ZNF385B: variants seen among roughly 807,000 people sequenced by gnomAD.
The protein encoded by ZNF385B is zinc finger protein 533.
Under a neutral mutation model 39.2 loss-of-function variants are expected in ZNF385B, and 23 were observed. The observed-to-expected ratio is 0.59, with a 90% CI of 0.42 to 0.83. The LOEUF is 0.83. Ranked by LOEUF, ZNF385B falls within the 40% of genes least tolerant of loss-of-function variation. The pLI is 0.00. For synonymous variants in ZNF385B, 205 were observed against 222.6 expected, an observed-to-expected ratio of 0.92 and a Z score of 0.70; for missense variants, 552 against 598.9, an observed-to-expected ratio of 0.92 and a Z score of 0.82.
At chr2:179,546,960 T>C (rs978505191) in intron 3 of ZNF385B, among the ~76,000 whole-genome samples, 1 of 149,900 alleles carries the variant, frequency 6.7e-6, no homozygotes, top group African/African-American at 2.5e-5. Context: ...TTTTGATTTG[T>C]CTGTTTTTGA....
intron 3 of ZNF385B, among the ~76,000 whole-genome samples, chr2:179,690,747 C>T (rs1012829647): frequency 6.6e-6 from 1 of 152,192 alleles, no homozygotes. Context: ...TGGGGTCACA[C>T]CTTCTTCGCA....
intron 3 of ZNF385B, among the ~76,000 whole-genome samples, chr2:179,728,095 T>C (rs1701137959): frequency 6.6e-6 from 1 of 152,098 alleles, no homozygotes. Context: ...ATTTGACTCT[T>C]TCAGACAAAA....
At chr2:179,748,840 C>T (rs1376855466) in intron 3 of ZNF385B, among the ~76,000 whole-genome samples, 1 of 152,040 alleles carries the variant, frequency 6.6e-6, no homozygotes, top group African/African-American at 2.4e-5. Context: ...GTCAATAGAA[C>T]ATCCGCTGTC....
intron 3 of ZNF385B, among the ~76,000 whole-genome samples, chr2:179,695,803 G>A (rs531206529): frequency 5.3e-5 from 8 of 152,228 alleles, no homozygotes; most frequent in South Asian, 2.1e-4. Context: ...TGTTTACAGC[G>A]GCATTGTTCA....
At chr2:179,825,675 C>T (rs1336196247) in intron 1 of ZNF385B, among the ~76,000 whole-genome samples, 1 of 152,112 alleles carries the variant, frequency 6.6e-6, no homozygotes, top group Non-Finnish European at 1.5e-5. Context: ...GCAGAAGTCC[C>T]CACAAGATGA....
intron 3 of ZNF385B, among the ~76,000 whole-genome samples, chr2:179,584,252 G>T (rs1269600597): frequency 1.3e-5 from 2 of 152,004 alleles, no homozygotes; most frequent in Non-Finnish European, 1.5e-5. Context: ...CTAACCCCTT[G>T]TTATAACAAA....
intron 1 of ZNF385B, among the ~76,000 whole-genome samples, chr2:179,782,522 T>C (rs1229657755): frequency 6.6e-6 from 1 of 152,146 alleles, no homozygotes; most frequent in African/African-American, 2.4e-5. Context: ...GGCATCCAAA[T>C]AGGAAAAGAG....
chr2:179,728,036 A>G (rs1459681030), intron 3 of ZNF385B, among the ~76,000 whole-genome samples: 1 of 152,100 alleles, frequency 6.6e-6, no homozygotes, highest in Admixed American at 6.6e-5. Context: ...GACTCTTGAA[A>G]CAAATGTAGC....
chr2:179,644,806 A>G (rs1692572533), intron 3 of ZNF385B, among the ~76,000 whole-genome samples: 1 of 151,996 alleles, frequency 6.6e-6, no homozygotes. Flanking sequence ...TATTTTCCTA[A>G]AAAGCATCCC....
At chr2:179,847,546 G>A (rs1708859664) in intron 1 of ZNF385B, among the ~76,000 whole-genome samples, 1 of 152,186 alleles carries the variant, frequency 6.6e-6, no homozygotes, top group African/African-American at 2.4e-5. Context: ...TCCCAGTTTT[G>A]TATGGCTGTC....
At chr2:179,587,057 A>T (rs1687145722) in intron 3 of ZNF385B, among the ~76,000 whole-genome samples, 1 of 152,036 alleles carries the variant, frequency 6.6e-6, no homozygotes, top group Non-Finnish European at 1.5e-5. Flanking sequence ...AAACAAAAAA[A>T]ATTATGTATA....
At position 179,743,820 on chromosome 2, in the gene ZNF385B, T is replaced by G. The variant is rs78027077; in HGVS notation, c.298+25683A>C. On this transcript the variant is annotated intron_variant, in intron 3 of 9. Transcript: ENST00000410066. ...CATTTTAGCATTTGAGAGCTTTTGC[T>G]TTTCTAAATGAGATGATTGCATGAA... Among the ~76,000 whole-genome samples, 505 of 152,266 alleles carry G rather than the reference T, an allele frequency of 3.3e-3. 2 individuals carry two copies. The highest frequency in any genetic ancestry group is 0.012 in the African/African-American group (483 of 41,556).
intron 1 of ZNF385B, among the ~76,000 whole-genome samples, chr2:179,857,910 C>T (rs1350769300): frequency 6.6e-6 from 1 of 151,940 alleles, no homozygotes; most frequent in Non-Finnish European, 1.5e-5. Flanking sequence ...AAATGCAGAG[C>T]TACTTTGAGG....
intron 3 of ZNF385B, among the ~76,000 whole-genome samples, chr2:179,691,755 G>A (rs1698371536): frequency 6.6e-6 from 1 of 152,024 alleles, no homozygotes; most frequent in African/African-American, 2.4e-5. Flanking sequence ...TATGAGAGGT[G>A]TTCATTGGAC....
intron 6 of ZNF385B, among the ~76,000 whole-genome samples, chr2:179,451,714 T>G (rs2050173323): frequency 6.6e-6 from 1 of 152,132 alleles, no homozygotes; most frequent in African/African-American, 2.4e-5. Context: ...ATCCTAAAAT[T>G]TGAAAAGTCA....
intron 1 of ZNF385B, among the ~76,000 whole-genome samples, chr2:179,857,086 TTAA>T (rs757144467): frequency 2.9e-4 from 44 of 152,178 alleles, no homozygotes; most frequent in Admixed American, 9.2e-4. Context: ...AATCTGCATT[TTAA>T]TAAGATTTTC....
intron 3 of ZNF385B, among the ~76,000 whole-genome samples, chr2:179,627,539 C>A (rs1690771482): frequency 6.6e-6 from 1 of 152,128 alleles, no homozygotes; most frequent in South Asian, 2.1e-4. Flanking sequence ...TAATGTGATT[C>A]CAGAAACTAA....
At chr2:179,769,385 A>C (rs954559569) in intron 3 of ZNF385B, 118 bp downstream of exon 3, 3 of 1,449,484 alleles carry the variant, frequency 2.1e-6, no homozygotes, top group African/African-American at 2.8e-5. Context: ...GAAAGAGTAC[A>C]TGTTATCATG....
chr2:179,463,368 T>C (rs1247001674), intron 6 of ZNF385B, among the ~76,000 whole-genome samples: 1 of 152,104 alleles, frequency 6.6e-6, no homozygotes, highest in African/African-American at 2.4e-5. Flanking sequence ...TTTATTCTTA[T>C]TATGCTTTAA....
Sources: gnomAD v4.1 joint callset for allele counts (sites outside exome capture counted in the v4.1 genomes callset) on GRCh38, gnomAD v4.1.1 for gene constraint, MANE v1.5 for transcripts, NCBI Gene and HGNC (gene_info 2026-07-23, HGNC 2026-07-21) for gene names.